Variants in COL16A1 observed in about 807,000 individuals in gnomAD.
COL16A1 encodes collagen alpha-1(XVI) chain.
In COL16A1, 189 loss-of-function variants were observed where a neutral mutation model predicts 266.3. The ratio of observed to expected loss-of-function variants is 0.71; its 90% CI spans 0.63 to 0.80. The LOEUF (loss-of-function observed/expected upper bound fraction) is 0.80. COL16A1 is among the 30% of genes least tolerant of loss of function. The probability of loss-of-function intolerance (pLI) is 0.00; values close to 1 mark genes in which losing one functional copy is unlikely to be tolerated. For synonymous variants in COL16A1, 740 were observed against 782.3 expected (o/e 0.95, Z 0.90); for missense variants, 1,928 against 2,122.4 (o/e 0.91, Z 1.80).
intron 70 of COL16A1, 27 bp downstream of exon 70, chr1:31,653,572 A>G: frequency 1.2e-6 from 2 of 1,607,144 alleles, no homozygotes; most frequent in Non-Finnish European, 1.7e-6. Context: ...CTCTGGATTC[A>G]TGGTCTCAAA....
chr1:31,661,396 G>A lies in COL16A1; in HGVS notation c.3771+18C>T. On this transcript the variant is annotated intron_variant, in intron 60 of 70. Coordinates refer to ENST00000373672, the MANE Select transcript of COL16A1 (RefSeq NM_001856.4). Reference sequence around the variant, plus strand: ...GAGAGCAGAGATAACCTGCTTGGCAGAGGTCACCAGCCCTTACCTTAGGTC... The same window carrying A: ...GAGAGCAGAGATAACCTGCTTGGCAAAGGTCACCAGCCCTTACCTTAGGTC... The A allele has an allele frequency of 6.2e-7, 1 of 1,613,988 alleles. No individual in the cohort carries two copies. The highest frequency in any genetic ancestry group is 8.5e-7 in the Non-Finnish European group (1 of 1,180,012).
chr1:31,666,019 A>C lies in COL16A1; in HGVS notation c.3402+18T>G, dbSNP rs758578329. 18 of 1,612,076 alleles carry C rather than the reference A, an allele frequency of 1.1e-5. No homozygotes were observed. The highest frequency in any genetic ancestry group is 1.5e-5 in the Non-Finnish European group (18 of 1,179,336). Reference sequence around the variant, plus strand: ...GACAAGACCAGGACCACATCTCCCCATGCCCTCCTTCACTCACCGCTGGGC... The same window carrying C: ...GACAAGACCAGGACCACATCTCCCCCTGCCCTCCTTCACTCACCGCTGGGC... On this transcript the variant is annotated intron_variant, in intron 53 of 70. Transcript: ENST00000373672.
chr1:31,699,941 G>T lies in COL16A1; in HGVS notation c.149-11C>A. ...GGATGAGGTTGAAGCCTTTGGGGGA[G>T]ACATCAGGTGAAGAGCTCAGCTGAG... On this transcript the variant is annotated splice_polypyrimidine_tract_variant and intron_variant, in intron 3 of 70. Coordinates refer to ENST00000373672, the MANE Select transcript of COL16A1 (RefSeq NM_001856.4). The T allele has an allele frequency of 6.2e-7, 1 of 1,604,972 alleles. No homozygotes were observed. The highest frequency in any genetic ancestry group is 8.5e-7 in the Non-Finnish European group (1 of 1,171,540).
intron 26 of COL16A1, among the ~76,000 whole-genome samples, chr1:31,687,092 C>T (rs372963060): frequency 2.6e-5 from 4 of 152,090 alleles, no homozygotes; most frequent in East Asian, 3.9e-4. Context: ...ATTAAACTAC[C>T]GGGTGAAGGC....
rs751478712 is a variant in COL16A1 at position 31,684,472 on chromosome 1, A to AT, written c.2160+50dup. On this transcript the variant is annotated intron_variant, in intron 31 of 70. Coordinates refer to ENST00000373672, the MANE Select transcript of COL16A1 (RefSeq NM_001856.4). ...CCTTCCCTCACTGGTGCGACACCTG[A>AT]TTTTTTTTATGCAACAAACTCCCCG... The AT allele has an allele frequency of 4.8e-5, 76 of 1,584,588 alleles. 1 individual carries two copies. The highest frequency in any genetic ancestry group is 1.0e-4 in the South Asian group (9 of 88,526).
In COL16A1 at chr1:31,688,219, A is replaced by T. The variant is rs967957693; in HGVS notation, c.1803+248T>A. ...TACATATTATAAATATAATAAGGTAATCTTGAATGTGCTTAATAGTTTTAG... is the reference window on the plus strand; with the variant it reads ...TACATATTATAAATATAATAAGGTATTCTTGAATGTGCTTAATAGTTTTAG... On this transcript the variant is annotated intron_variant, in intron 26 of 70. Transcript: ENST00000373672. The surrounding 1 kb of genome is among the most constrained non-coding windows in gnomAD (Gnocchi z 4.9). Among the ~76,000 whole-genome samples, 2 of 152,208 alleles carry T rather than the reference A, an allele frequency of 1.3e-5. No homozygotes were observed. Among genetic ancestry groups the T allele is most frequent in the Non-Finnish European group, 2.9e-5 (2 of 68,036 alleles).
At chr1:31,679,141 A>G (rs927125934) in intron 42 of COL16A1, 2 of 343,748 alleles carry the variant, frequency 5.8e-6, no homozygotes, top group Non-Finnish European at 1.1e-5. Context: ...CTTAGTATGT[A>G]TCACTTTCTA....
At chr1:31,665,774 G>A (rs1642079571) in intron 54 of COL16A1, 108 bp downstream of exon 54, 3 of 1,601,312 alleles carry the variant, frequency 1.9e-6, no homozygotes, top group Non-Finnish European at 2.6e-6. Context: ...TGGGCATGAG[G>A]TAGGTCACAA....
intron 61 of COL16A1, 63 bp downstream of exon 61, chr1:31,661,003 A>G: frequency 6.7e-7 from 1 of 1,498,736 alleles, no homozygotes; most frequent in Admixed American, 2.2e-5. Flanking sequence ...AAGCGGCTGC[A>G]TCCCAGACTC....
In COL16A1 at chr1:31,692,602, G is replaced by C; in HGVS notation, c.1154C>G (p.Ala385Gly). The C allele has an allele frequency of 6.2e-7, 1 of 1,614,182 alleles. No homozygotes were observed. The highest frequency in any genetic ancestry group is 8.5e-7 in the Non-Finnish European group (1 of 1,180,010). The change falls in exon 15 of 71, where the codon GCT becomes GGT. Residue 385 changes from alanine to glycine, a missense_variant. Ala to Gly is a moderately conservative substitution (Grantham distance 60). This residue lies in a region of COL16A1 where 1,552 missense variants were observed against 1,637.2 expected (regional missense o/e 0.95). Transcript: ENST00000373672. ...TATCCCTGGTCCCACACTCACCAGAGCTCCTGACTCCCCCTTCTCTCCCTT... is the reference window on the plus strand; with the variant it reads ...TATCCCTGGTCCCACACTCACCAGACCTCCTGACTCCCCCTTCTCTCCCTT... The part of the protein sequence containing the change: ...GPKGEKGESG[A>G]LGPSGLPGST...
chr1:31,679,991 G>A (rs1349399005), intron 40 of COL16A1, 51 bp downstream of exon 40: 2 of 1,607,486 alleles, frequency 1.2e-6, no homozygotes, highest in Admixed American at 3.4e-5. Context: ...AGACGAGGCT[G>A]AAGCTGGTCC....
At chr1:31,690,447 A>G in intron 21 of COL16A1, 54 bp from the exon 22 acceptor site, 2 of 1,614,194 alleles carry the variant, frequency 1.2e-6, no homozygotes, top group Non-Finnish European at 1.7e-6. Flanking sequence ...CTGGTGTGCC[A>G]ACTGAGGGCC....
chr1:31,703,165 A>G (rs922407477), intron 1 of COL16A1, among the ~76,000 whole-genome samples: 1 of 152,156 alleles, frequency 6.6e-6, no homozygotes, highest in African/African-American at 2.4e-5. Context: ...ACCCAGACAC[A>G]CCAGCTTGCA....
chr1:31,653,639 A>T lies in COL16A1; in HGVS notation c.4572T>A (p.Gly1524=). ...GACCATTTTCTCCTGCAATGCCAAT[A>T]CCAATGTCCCCTTTTTCACCTTTGG... The part of the protein sequence containing the change: ...PGTKGEKGDI[G]IGIAGENGLP... The change falls in exon 70 of 71, where the codon GGT becomes GGA. Residue 1524 remains glycine, a synonymous_variant. Transcript: ENST00000373672. 1.2e-6 allele frequency: 2 copies of T among 1,613,972 alleles called. No individual in the cohort carries two copies. Among genetic ancestry groups the T allele is most frequent in the Non-Finnish European group, 1.7e-6 (2 of 1,179,926 alleles).
intron 2 of COL16A1, chr1:31,701,390 G>C: frequency 1.0e-6 from 1 of 985,394 alleles, no homozygotes; most frequent in Non-Finnish European, 1.2e-6. Context: ...CACTCACCCT[G>C]GGTCCACAAT....
At chr1:31,679,720 G>C (rs1229617944) in intron 41 of COL16A1, 35 bp from the exon 42 acceptor site, 13 of 1,613,300 alleles carry the variant, frequency 8.1e-6, no homozygotes, top group Non-Finnish European at 1.1e-5. Context: ...AGCCAGCAGA[G>C]AGCTCTGCCC....
chr1:31,703,554 C>A (rs1464495903), intron 1 of COL16A1, among the ~76,000 whole-genome samples: 1 of 152,156 alleles, frequency 6.6e-6, no homozygotes, highest in Non-Finnish European at 1.5e-5. Flanking sequence ...TGTCCCCTTC[C>A]GGCTCCTAGT....
At position 31,688,361 on chromosome 1, in the gene COL16A1, G is replaced by A. The variant is rs772398511; in HGVS notation, c.1803+106C>T. On this transcript the variant is annotated intron_variant, in intron 26 of 70. Transcript: ENST00000373672. The surrounding 1 kb of genome is among the most constrained non-coding windows in gnomAD (Gnocchi z 4.9). The stretch of plus-strand genomic sequence containing the variant: ...AAATTAATTTCACTGTGAATTTACC[G>A]TCTGAATCTCTTGTTTATATTACCC... The A allele has an allele frequency of 1.4e-4, 181 of 1,252,660 alleles. No individual in the cohort carries two copies. Among genetic ancestry groups the A allele is most frequent in the Admixed American group, 5.0e-4 (28 of 55,612 alleles). 77.6% of individuals were successfully genotyped at this position (1,252,660 alleles called of 1,614,324 possible).
intron 8 of COL16A1, 83 bp downstream of exon 8, chr1:31,696,880 G>T (rs957530327): frequency 6.1e-5 from 97 of 1,590,730 alleles, no homozygotes; most frequent in Non-Finnish European, 8.1e-5. Context: ...AACTGACCCT[G>T]GTGGCAGACG....
Sources: allele counts gnomAD v4.1 joint callset (sites outside exome capture counted in the v4.1 genomes callset), GRCh38; gene constraint gnomAD v4.1.1; regional missense constraint gnomAD v4.1.1; non-coding constraint Gnocchi (gnomAD v3.1); transcripts MANE v1.5; gene names NCBI Gene and HGNC (gene_info 2026-07-23, HGNC 2026-07-21).